Variants in SHANK2 observed in about 807,000 individuals in gnomAD.
SHANK2 encodes SH3 and multiple ankyrin repeat domains protein 2.
A neutral mutation model predicts 133.7 loss-of-function variants in SHANK2; 43 were observed. That is an observed-to-expected ratio of 0.32 (90% CI 0.25 to 0.41). SHANK2 has a LOEUF of 0.41. Ranked by LOEUF, SHANK2 falls within the 10% of genes least tolerant of loss-of-function variation. The pLI, the probability that SHANK2 is intolerant of heterozygous loss-of-function variation, is 1.00. For missense variants in SHANK2, 1,994 were observed against 2,235.8 expected, an observed-to-expected ratio of 0.89 and a Z score of 2.18; for synonymous variants, 1,017 against 952.8, an observed-to-expected ratio of 1.07 and a Z score of -1.24.
chr11:70,575,963 T>C (rs922032078), intron 17 of SHANK2, among the ~76,000 whole-genome samples: 5 of 151,942 alleles, frequency 3.3e-5, no homozygotes, highest in Admixed American at 1.3e-4. Context: ...CAGTAATTAT[T>C]TGTTGGTGGA....
In SHANK2 at chr11:70,698,722, T is replaced by C; in HGVS notation, c.1819A>G (p.Thr607Ala). The change falls in exon 15 of 26, where the codon ACC becomes GCC. Residue 607 changes from threonine to alanine, a missense_variant. Transcript: ENST00000601538. Reference sequence around the variant, plus strand: ...TCGAAGCTGTCATAGGAGCCCACGGTGTAGTGCCTGAAAAGCTTCTTGCTG... The same window carrying C: ...TCGAAGCTGTCATAGGAGCCCACGGCGTAGTGCCTGAAAAGCTTCTTGCTG... ...DRSKKLFRHYTVGSYDSFDTS... is the reference protein window; with the variant it reads ...DRSKKLFRHYAVGSYDSFDTS... The C allele has an allele frequency of 1.4e-6, 1 of 718,624 alleles. No individual in the cohort carries two copies. Among genetic ancestry groups the C allele is most frequent in the Non-Finnish European group, 2.6e-6 (1 of 385,112 alleles). The allele number at this position is 718,624 out of a possible 1,614,324, so 44.5% of individuals were successfully genotyped here.
intron 9 of SHANK2, among the ~76,000 whole-genome samples, chr11:71,071,285 A>G (rs2135968105): frequency 6.6e-6 from 1 of 152,238 alleles, no homozygotes; most frequent in South Asian, 2.1e-4. Context: ...CAGCATTCAC[A>G]CCCCGTGGCA....
At chr11:70,589,007 C>T (rs1173562060) in intron 17 of SHANK2, among the ~76,000 whole-genome samples, 5 of 152,236 alleles carry the variant, frequency 3.3e-5, no homozygotes, top group South Asian at 2.1e-4. Flanking sequence ...TTAGTAGAGA[C>T]GGGGTTTCAC....
At chr11:71,196,287 G>GT (rs1212218355) in intron 2 of SHANK2, among the ~76,000 whole-genome samples, 1 of 151,864 alleles carries the variant, frequency 6.6e-6, no homozygotes, top group Non-Finnish European at 1.5e-5. Flanking sequence ...CTGGTTTTTT[G>GT]TTTTTTTCTT....
In SHANK2 at chr11:71,075,000, G is replaced by C. The variant is rs930124166; in HGVS notation, c.1029+159C>G. On this transcript the variant is annotated intron_variant, in intron 9 of 25. Transcript: ENST00000601538. ...TTCACCATGTTAGCAGGATGGTCTCGATCTCCTGACCTCGTGATCCGCCCG... is the reference window on the plus strand; with the variant it reads ...TTCACCATGTTAGCAGGATGGTCTCCATCTCCTGACCTCGTGATCCGCCCG... Among the ~76,000 whole-genome samples, 107 of 152,016 alleles carry C rather than the reference G, an allele frequency of 7.0e-4. 1 individual carries two copies. The highest frequency in any genetic ancestry group is 2.5e-3 in the African/African-American group (105 of 41,410).
At chr11:71,251,712 G>C (rs1337325135) in intron 1 of SHANK2, among the ~76,000 whole-genome samples, 1 of 151,066 alleles carries the variant, frequency 6.6e-6, no homozygotes, top group Admixed American at 6.6e-5. Flanking sequence ...CGGCGGGCCG[G>C]GGTCGGGCAC....
At chr11:71,134,651 G>T (rs1213041990) in intron 3 of SHANK2, among the ~76,000 whole-genome samples, 1 of 151,996 alleles carries the variant, frequency 6.6e-6, no homozygotes, top group Non-Finnish European at 1.5e-5. Flanking sequence ...TGTTGGCCAG[G>T]CTGGTCACAA....
At chr11:70,697,098 C>T (rs543837642) in intron 15 of SHANK2, among the ~76,000 whole-genome samples, 1 of 152,262 alleles carries the variant, frequency 6.6e-6, no homozygotes, top group African/African-American at 2.4e-5. Context: ...AGGTTGGGAG[C>T]TGGAGTCTGA....
At chr11:70,900,293 G>T (rs967866229) in intron 10 of SHANK2, among the ~76,000 whole-genome samples, 1 of 152,062 alleles carries the variant, frequency 6.6e-6, no homozygotes, top group South Asian at 2.1e-4. Context: ...GGTGGAGACT[G>T]CAGTGAGCCA....
intron 10 of SHANK2, among the ~76,000 whole-genome samples, chr11:70,943,768 G>A (rs1950679439): frequency 6.6e-6 from 1 of 152,188 alleles, no homozygotes; most frequent in African/African-American, 2.4e-5. Flanking sequence ...GTCCTGTCTG[G>A]ATGGATGCTT....
intron 14 of SHANK2, among the ~76,000 whole-genome samples, chr11:70,765,853 T>G (rs1380607655): frequency 6.6e-6 from 1 of 152,220 alleles, no homozygotes; most frequent in Non-Finnish European, 1.5e-5. Context: ...TGAATGACAT[T>G]TTGTACCTTA....
chr11:71,226,630 AAGTATTCTC>A (rs1954648766), intron 1 of SHANK2: 1 of 152,326 alleles, frequency 6.6e-6, no homozygotes, highest in African/African-American at 2.4e-5. Context: ...GATGAAAGAA[AAGTATTCTC>A]AATCCATAAT....
At chr11:70,789,035 G>C (rs1050696064) in intron 14 of SHANK2, among the ~76,000 whole-genome samples, 2 of 152,160 alleles carry the variant, frequency 1.3e-5, no homozygotes, top group Admixed American at 6.5e-5. Flanking sequence ...TAAGCTGTAA[G>C]ATGCTCCCAG....
intron 17 of SHANK2, among the ~76,000 whole-genome samples, chr11:70,520,848 C>T (rs1257441410): frequency 1.3e-5 from 2 of 152,336 alleles, no homozygotes; most frequent in African/African-American, 2.4e-5. Flanking sequence ...TTGTCCCGGC[C>T]GTGGTCTTTG....
At chr11:70,551,968 G>T (rs2059775860) in intron 17 of SHANK2, among the ~76,000 whole-genome samples, 1 of 152,226 alleles carries the variant, frequency 6.6e-6, no homozygotes, top group South Asian at 2.1e-4. Context: ...AGGCACGGGG[G>T]AGCCCGTGGG....
chr11:70,478,398 C>T (rs1364246254), intron 25 of SHANK2, among the ~76,000 whole-genome samples: 1 of 152,238 alleles, frequency 6.6e-6, no homozygotes. Flanking sequence ...GCCTGGCCAG[C>T]ACTGAGGCTG....
At chr11:70,698,410 C>T (rs1945444600) in intron 15 of SHANK2, 2 of 527,606 alleles carry the variant, frequency 3.8e-6, no homozygotes, top group Non-Finnish European at 6.8e-6. Context: ...TCATCCTTGA[C>T]ATTTGCATGC....
chr11:70,495,090 T>C (rs1555156798), intron 21 of SHANK2, among the ~76,000 whole-genome samples: 2 of 152,230 alleles, frequency 1.3e-5, no homozygotes, highest in African/African-American at 4.8e-5. Context: ...CTGTGACCTG[T>C]GACCCCAGTC....
intron 10 of SHANK2, among the ~76,000 whole-genome samples, chr11:70,931,061 G>A (rs537011088): frequency 6.6e-6 from 1 of 152,220 alleles, no homozygotes; most frequent in South Asian, 2.1e-4. Flanking sequence ...CCCAACACAC[G>A]CTAACACATG....
Sources: allele counts gnomAD v4.1 joint callset (sites outside exome capture counted in the v4.1 genomes callset), GRCh38; gene constraint gnomAD v4.1.1; transcripts MANE v1.5; gene names NCBI Gene and HGNC (gene_info 2026-07-23, HGNC 2026-07-21).